Variants in TDRD1 observed in about 807,000 individuals in gnomAD.
TDRD1 encodes the protein tudor domain-containing protein 1.
In TDRD1, 37 loss-of-function variants were observed where a neutral mutation model predicts 140.6. That is an observed-to-expected ratio of 0.26 (90% CI 0.20 to 0.35). The LOEUF is 0.35. Ranked by LOEUF, TDRD1 falls within the 10% of genes least tolerant of loss-of-function variation. The pLI, the probability that TDRD1 is intolerant of heterozygous loss-of-function variation, is 1.00. For synonymous variants in TDRD1, 506 were observed against 475.7 expected, an observed-to-expected ratio of 1.06 and a Z score of -0.83; for missense variants, 1,243 against 1,393.0, an observed-to-expected ratio of 0.89 and a Z score of 1.71.
chr10:114,210,735 A>G, exon 12 of TDRD1: 2 of 1,610,172 alleles, frequency 1.2e-6, no homozygotes, highest in Non-Finnish European at 1.7e-6. Flanking sequence ...TTTGTCAACA[A>G]CTGCAAAGTG....
chr10:114,219,330 T>G (rs1192384572), intron 18 of TDRD1, among the ~76,000 whole-genome samples: 1 of 152,122 alleles, frequency 6.6e-6, no homozygotes, highest in Non-Finnish European at 1.5e-5. Flanking sequence ...AAAGAGTTGT[T>G]AAGAGAAAAA....
At chr10:114,226,824 A>T (rs1276684019) in intron 22 of TDRD1, among the ~76,000 whole-genome samples, 1 of 152,154 alleles carries the variant, frequency 6.6e-6, no homozygotes, top group Non-Finnish European at 1.5e-5. Flanking sequence ...TCCTGTTGGA[A>T]TATATGAAGG....
rs148119732 is a variant in TDRD1 at position 114,214,037 on chromosome 10, T to C, written c.2135T>C (p.Val712Ala). 2.8e-4 allele frequency: 451 copies of C among 1,613,450 alleles called. 1 individual carries two copies. The highest frequency in any genetic ancestry group is 3.7e-4 in the Non-Finnish European group (438 of 1,179,462). ...GAGTGGACATGGGTTGAACTTGGTGTTGACCAAACAGTAGATGTTGTGGTC... is the reference window on the plus strand; with the variant it reads ...GAGTGGACATGGGTTGAACTTGGTGCTGACCAAACAGTAGATGTTGTGGTC... Residue 712 changes from valine (V) to alanine (A), a missense_variant, in exon 16 of 26, where the codon GTT becomes GCT. By Grantham distance (64) the Val-to-Ala change is moderately conservative. Coordinates refer to ENST00000251864, the Ensembl canonical transcript of TDRD1.
At chr10:114,208,805 C>T (rs1054863166) in intron 11 of TDRD1, among the ~76,000 whole-genome samples, 2 of 149,212 alleles carry the variant, frequency 1.3e-5, no homozygotes, top group Non-Finnish European at 3.0e-5. Context: ...GACAGAGTCT[C>T]GCTCTGTCAC....
intron 1 of TDRD1, among the ~76,000 whole-genome samples, chr10:114,181,954 T>A (rs1172469312): frequency 6.6e-6 from 1 of 152,028 alleles, no homozygotes; most frequent in Non-Finnish European, 1.5e-5. Flanking sequence ...ATCAAAGAAA[T>A]CAAAGTCCAT....
intron 8 of TDRD1, among the ~76,000 whole-genome samples, chr10:114,203,819 G>A (rs2034924284): frequency 6.6e-6 from 1 of 152,162 alleles, no homozygotes; most frequent in Admixed American, 6.5e-5. Context: ...GTTTTATTTA[G>A]GTATTAGTGT....
At chr10:114,195,645 C>G (rs2034291588) in intron 3 of TDRD1, among the ~76,000 whole-genome samples, 1 of 152,064 alleles carries the variant, frequency 6.6e-6, no homozygotes, top group African/African-American at 2.4e-5. Flanking sequence ...ACATATTTTT[C>G]CATCTTTTTA....
chr10:114,203,001 G>C, intron 6 of TDRD1, 71 bp from the exon 7 acceptor site: 1 of 982,066 alleles, frequency 1.0e-6, no homozygotes, highest in Non-Finnish European at 1.6e-6. Flanking sequence ...CAGTTCCGAC[G>C]TGTAGTGGCC....
chr10:114,208,232 G>T (rs917797125), intron 11 of TDRD1, among the ~76,000 whole-genome samples: 1 of 152,206 alleles, frequency 6.6e-6, no homozygotes, highest in Non-Finnish European at 1.5e-5. Context: ...CAGGAGCTGT[G>T]TTAAGGGGTT....
At chr10:114,194,449 A>G (rs1467824177) in intron 3 of TDRD1, among the ~76,000 whole-genome samples, 1 of 152,078 alleles carries the variant, frequency 6.6e-6, no homozygotes, top group Non-Finnish European at 1.5e-5. Flanking sequence ...TTTTGTCTAC[A>G]TTGTCAAATT....
upstream of TDRD1, among the ~76,000 whole-genome samples, chr10:114,178,878 A>AC (rs1251258187): frequency 2.6e-5 from 4 of 152,130 alleles, no homozygotes; most frequent in Non-Finnish European, 5.9e-5. Context: ...AAAAAAAAAA[A>AC]AAAACAAAAC....
intron 1 of TDRD1, among the ~76,000 whole-genome samples, chr10:114,183,777 T>C (rs1243797411): frequency 6.6e-6 from 1 of 150,900 alleles, no homozygotes; most frequent in Admixed American, 6.6e-5. Context: ...TTTGGCTCGC[T>C]GCAACCTCTG....
chr10:114,197,453 T>G (rs1189565234), intron 3 of TDRD1, among the ~76,000 whole-genome samples: 1 of 152,230 alleles, frequency 6.6e-6, no homozygotes, highest in Non-Finnish European at 1.5e-5. Flanking sequence ...TCCCTATTCA[T>G]TTGTTTCAAG....
At chr10:114,204,776 G>T in exon 10 of TDRD1, 1 of 1,603,338 alleles carries the variant, frequency 6.2e-7, no homozygotes, top group South Asian at 1.1e-5. Flanking sequence ...TTGGAGCAGT[G>T]ATTGTATCAA....
At chr10:114,186,132 T>C (rs1484993322) in intron 1 of TDRD1, among the ~76,000 whole-genome samples, 2 of 152,202 alleles carry the variant, frequency 1.3e-5, no homozygotes, top group Non-Finnish European at 2.9e-5. Flanking sequence ...AGATTTCCTG[T>C]GATTTTAAAG....
chr10:114,221,072 G>C (rs375500483), intron 19 of TDRD1, among the ~76,000 whole-genome samples: 1 of 152,150 alleles, frequency 6.6e-6, no homozygotes, highest in African/African-American at 2.4e-5. Flanking sequence ...TGAGTAAGTT[G>C]TAAGAATTAT....
At chr10:114,206,218 G>A in intron 10 of TDRD1, 26 bp from the exon 11 acceptor site, 1 of 1,516,044 alleles carries the variant, frequency 6.6e-7, no homozygotes, top group Non-Finnish European at 9.1e-7. Context: ...TCTCAATGGA[G>A]GCATATTTTC....
upstream of TDRD1, among the ~76,000 whole-genome samples, chr10:114,179,091 G>A (rs984493185): frequency 1.3e-5 from 2 of 152,192 alleles, no homozygotes; most frequent in African/African-American, 2.4e-5. Flanking sequence ...GCATCTTTGC[G>A]CCCAAATTTG....
At chr10:114,200,393 T>G (rs535472907) in intron 4 of TDRD1, among the ~76,000 whole-genome samples, 126 of 151,706 alleles carry the variant, frequency 8.3e-4, no homozygotes, top group African/African-American at 2.3e-3. Context: ...TGTTGTTGTT[T>G]TTTAGATAAC....
Sources: allele counts gnomAD v4.1 joint callset (sites outside exome capture counted in the v4.1 genomes callset), GRCh38; gene constraint gnomAD v4.1.1; transcripts MANE v1.5; gene names NCBI Gene and HGNC (gene_info 2026-07-23, HGNC 2026-07-21).